The following TFEC variants were observed in gnomAD, a reference collection of about 807,000 sequenced individuals.
TFEC encodes class E basic helix-loop-helix protein 34.
In TFEC, 31 loss-of-function variants were observed where a neutral mutation model predicts 41.6. The ratio of observed to expected loss-of-function variants is 0.74; its 90% CI spans 0.56 to 1.01. The LOEUF (loss-of-function observed/expected upper bound fraction) is 1.01, where lower values mean the gene tolerates loss of function less well. Ranked by LOEUF, TFEC falls within the 50% of genes least tolerant of loss-of-function variation. The pLI is 0.00. For synonymous variants in TFEC, 143 were observed against 140.6 expected (o/e 1.02, Z -0.12); for missense variants, 402 against 404.1 (o/e 0.99, Z 0.04).
chr7:116,149,516 T>G (rs2116453037), intron 1 of TFEC, among the ~76,000 whole-genome samples: 1 of 152,254 alleles, frequency 6.6e-6, no homozygotes, highest in East Asian at 1.9e-4. Flanking sequence ...AAGGAGAATT[T>G]CACAAAAATT....
chr7:116,010,613 A>G (rs574768066), intron 1 of TFEC, among the ~76,000 whole-genome samples: 1 of 152,318 alleles, frequency 6.6e-6, no homozygotes, highest in East Asian at 1.9e-4. Flanking sequence ...AATTTATATG[A>G]CATCCACACT....
At chr7:115,942,822 C>G (rs1335714177) in intron 6 of TFEC, among the ~76,000 whole-genome samples, 1 of 151,910 alleles carries the variant, frequency 6.6e-6, no homozygotes. Flanking sequence ...ATTTTGATAT[C>G]TGAAAATATA....
chr7:116,096,940 A>C (rs539425095), intron 3 of TFEC, among the ~76,000 whole-genome samples: 6 of 152,218 alleles, frequency 3.9e-5, no homozygotes, highest in African/African-American at 1.4e-4. Context: ...AAATACAAAA[A>C]TTAGCTGAGC....
chr7:115,971,969 T>C (rs1382003069), intron 3 of TFEC, among the ~76,000 whole-genome samples: 1 of 152,088 alleles, frequency 6.6e-6, no homozygotes, highest in African/African-American at 2.4e-5. Flanking sequence ...AACCAAAAGT[T>C]CACTGGCTAA....
intron 3 of TFEC, among the ~76,000 whole-genome samples, chr7:116,082,642 T>C (rs1037720207): frequency 1.3e-5 from 2 of 152,040 alleles, no homozygotes; most frequent in Admixed American, 1.3e-4. Flanking sequence ...TTATACAGAA[T>C]CTATGATTTT....
chr7:116,021,512 C>G (rs1392218093), intron 1 of TFEC, among the ~76,000 whole-genome samples: 1 of 152,186 alleles, frequency 6.6e-6, no homozygotes, highest in Non-Finnish European at 1.5e-5. Context: ...AATGAGACAT[C>G]TCACTCCAGA....
At chr7:115,986,848 T>A (rs902355387) in intron 1 of TFEC, among the ~76,000 whole-genome samples, 1 of 151,866 alleles carries the variant, frequency 6.6e-6, no homozygotes, top group Non-Finnish European at 1.5e-5. Flanking sequence ...ACATGGCACA[T>A]GTATACATAT....
chr7:116,112,054 A>G (rs986272549), intron 1 of TFEC: 14 of 978,612 alleles, frequency 1.4e-5, no homozygotes, highest in African/African-American at 1.2e-4. Flanking sequence ...AAGAAAAAAA[A>G]AGAGAGAAGT....
intron 1 of TFEC, among the ~76,000 whole-genome samples, chr7:116,006,678 G>A (rs1282306026): frequency 6.6e-6 from 1 of 152,138 alleles, no homozygotes; most frequent in Non-Finnish European, 1.5e-5. Flanking sequence ...AGACTTTGGG[G>A]GACTGTTGGA....
At chr7:116,144,096 T>C (rs1222787083) in intron 1 of TFEC, among the ~76,000 whole-genome samples, 3 of 151,996 alleles carry the variant, frequency 2.0e-5, no homozygotes, top group Non-Finnish European at 4.4e-5. Context: ...CACACGCCTG[T>C]AATCCCAGCT....
At chr7:116,011,885 C>T (rs373474633) in intron 1 of TFEC, among the ~76,000 whole-genome samples, 14 of 152,176 alleles carry the variant, frequency 9.2e-5, no homozygotes, top group African/African-American at 3.4e-4. Context: ...CCATGTGACA[C>T]ACCTGCTCCC....
chr7:116,050,991 T>A (rs967763453), intron 3 of TFEC, among the ~76,000 whole-genome samples: 1 of 152,206 alleles, frequency 6.6e-6, no homozygotes, highest in Non-Finnish European at 1.5e-5. Context: ...GTTCATGTCC[T>A]TTGTAGGGAC....
chr7:116,153,868 C>T (rs886180248), intron 1 of TFEC, among the ~76,000 whole-genome samples: 6 of 152,116 alleles, frequency 3.9e-5, no homozygotes, highest in African/African-American at 1.4e-4. Context: ...TAGGAGGACA[C>T]CAGTGAGCTG....
At chr7:116,120,133 G>C (rs1427214991) in intron 1 of TFEC, 2 of 151,842 alleles carry the variant, frequency 1.3e-5, no homozygotes, top group Non-Finnish European at 2.9e-5. Context: ...TGTTGGTGGA[G>C]AATAGGCTGT....
At chr7:116,105,609 G>C (rs1797700347) in intron 3 of TFEC, among the ~76,000 whole-genome samples, 1 of 152,100 alleles carries the variant, frequency 6.6e-6, no homozygotes, top group African/African-American at 2.4e-5. Context: ...ATGCTGCTAG[G>C]AAAACATGCT....
intron 1 of TFEC, among the ~76,000 whole-genome samples, chr7:116,141,434 TA>T (rs1798538978): frequency 6.6e-6 from 1 of 152,214 alleles, no homozygotes; most frequent in African/African-American, 2.4e-5. Context: ...CTACTCAAGT[TA>T]TAATAGGTGT....
chr7:116,053,046 TG>T (rs2130962151), intron 3 of TFEC, among the ~76,000 whole-genome samples: 2 of 151,944 alleles, frequency 1.3e-5, no homozygotes, highest in South Asian at 4.2e-4. Context: ...CACTCCACCA[TG>T]GGCGACGGAG....
Position 115,956,689 on chromosome 7 carries a change from TCTTTTCATTGGTAGACTA to T in TFEC, c.354_371del (p.Ser118_Lys123del), listed in dbSNP as rs1366504371. 1 of 1,600,228 alleles carries T rather than the reference TCTTTTCATTGGTAGACTA, an allele frequency of 6.2e-7. No individual in the cohort carries two copies. Among genetic ancestry groups the T allele is most frequent in the Non-Finnish European group, 8.5e-7 (1 of 1,174,284 alleles). Reference sequence around the variant, plus strand: ...TAAAAGCAACATTACCTGTAATTTCTCTTTTCATTGGTAGACTACTTGGACAAGAAGCACTTGTAAGCC... The same window carrying T: ...TAAAAGCAACATTACCTGTAATTTCTCTTGGACAAGAAGCACTTGTAAGCC... On this transcript the variant is annotated inframe_deletion, in exon 4 of 8. Transcript: ENST00000265440.
intron 1 of TFEC, among the ~76,000 whole-genome samples, chr7:115,994,695 C>T (rs574045639): frequency 3.3e-5 from 5 of 152,206 alleles, no homozygotes; most frequent in South Asian, 4.1e-4. Context: ...AGTCAGGAAA[C>T]GACAGGTGCT....
Sources: gnomAD v4.1 joint callset for allele counts (sites outside exome capture counted in the v4.1 genomes callset) on GRCh38, gnomAD v4.1.1 for gene constraint, MANE v1.5 for transcripts, NCBI Gene and HGNC (gene_info 2026-07-23, HGNC 2026-07-21) for gene names.